The following ZNF33B variants were observed in gnomAD, a reference collection of about 807,000 sequenced individuals.
The protein encoded by ZNF33B is zinc finger protein 11b (KOX 2).
In ZNF33B, 29 loss-of-function variants were observed where a neutral mutation model predicts 45.8. The observed-to-expected ratio is 0.63, with a 90% CI of 0.47 to 0.86. The LOEUF is 0.86. Ranked by LOEUF, ZNF33B falls within the 40% of genes least tolerant of loss-of-function variation. The probability of loss-of-function intolerance (pLI) is 0.00; values close to 1 mark genes in which losing one functional copy is unlikely to be tolerated. For synonymous variants in ZNF33B, 305 were observed against 307.8 expected (o/e 0.99, Z 0.10); for missense variants, 831 against 909.9 (o/e 0.91, Z 1.12).
intron 4 of ZNF33B, among the ~76,000 whole-genome samples, chr10:42,627,526 C>T (rs1314994973): frequency 3.3e-5 from 5 of 152,098 alleles, no homozygotes; most frequent in African/African-American, 1.2e-4. Flanking sequence ...TTCAATTTTA[C>T]TGATTTCTGC....
At chr10:42,629,484 T>G (rs1301215813) in intron 4 of ZNF33B, among the ~76,000 whole-genome samples, 1 of 152,190 alleles carries the variant, frequency 6.6e-6, no homozygotes, top group Non-Finnish European at 1.5e-5. Context: ...GATAAATACT[T>G]GAGGGAATAG....
rs537866948 is a variant in ZNF33B at position 42,636,150 on chromosome 10, T to G, written c.9+770A>C. Among the ~76,000 whole-genome samples the G allele has an allele frequency of 1.1e-4, 17 of 152,044 alleles. No individual in the cohort carries two copies. The East Asian group carries it at 2.1e-3, about 19-fold the overall frequency. ...CTCAAAAAAATAAAAAAATAAAAAATTTAAAATTAAAATACATTTTAACTT... is the reference window on the plus strand; with the variant it reads ...CTCAAAAAAATAAAAAAATAAAAAAGTTAAAATTAAAATACATTTTAACTT... On this transcript the variant is annotated intron_variant, in intron 2 of 4. Transcript: ENST00000359467.
intron 4 of ZNF33B, among the ~76,000 whole-genome samples, chr10:42,630,030 T>C (rs973577462): frequency 1.3e-5 from 2 of 152,198 alleles, no homozygotes; most frequent in Admixed American, 1.3e-4. Flanking sequence ...TCAAAAATGA[T>C]TCTAGAAACT....
In ZNF33B at chr10:42,590,952, CTCT is replaced by C; in HGVS notation, c.*1658_*1660del. ...TCCAGGTTACTTTGGATTTAATTTG[CTCT>C]TCTTTTTCTAGTTTTCCAAAGTGGA... is the stretch of plus-strand genomic sequence containing the variant. On this transcript the variant is annotated 3_prime_UTR_variant, in exon 5 of 5. Coordinates refer to ENST00000359467, the MANE Select transcript of ZNF33B (RefSeq NM_006955.3). 1 of 159,030 alleles carries C rather than the reference CTCT, an allele frequency of 6.3e-6. No individual in the cohort carries two copies. The highest frequency in any genetic ancestry group is 2.0e-4 in the South Asian group (1 of 4,924). 9.9% of individuals were successfully genotyped at this position (159,030 alleles called of 1,614,324 possible). A position where few individuals can be genotyped will look rare whatever the true frequency, so the allele number is the denominator to read the frequency against.
intron 1 of ZNF33B, 87 bp from the exon 2 acceptor site, chr10:42,637,059 A>G: frequency 7.8e-7 from 1 of 1,283,304 alleles, no homozygotes; most frequent in Non-Finnish European, 1.1e-6. Context: ...AGCCATACAC[A>G]CCCACTAGGT....
chr10:42,634,323 C>T (rs1272553811), intron 2 of ZNF33B, among the ~76,000 whole-genome samples: 3 of 152,008 alleles, frequency 2.0e-5, no homozygotes, highest in African/African-American at 7.2e-5. Context: ...AGGAGAATCA[C>T]TCGAACCCAG....
chr10:42,595,585 AAGG>A (rs1238383037), intron 4 of ZNF33B, among the ~76,000 whole-genome samples: 1 of 152,134 alleles, frequency 6.6e-6, no homozygotes, highest in Non-Finnish European at 1.5e-5. Flanking sequence ...TGGGGACTTT[AAGG>A]AGATTAACTA....
At position 42,577,058 on chromosome 10, in the gene ZNF33B, G is replaced by A. The variant is rs183518940; in HGVS notation, c.74-2380C>T. Reference sequence around the variant, plus strand: ...TGAGACAGGAGAATTGCTTGAACCCGGGAGGTGGTGGTTGCAGTGAGCTGA... The same window carrying A: ...TGAGACAGGAGAATTGCTTGAACCCAGGAGGTGGTGGTTGCAGTGAGCTGA... On this transcript the variant is annotated intron_variant, in intron 1 of 1. Coordinates refer to the ZNF33B transcript ENST00000462075. Among the ~76,000 whole-genome samples the A allele has an allele frequency of 1.6e-3, 238 of 151,028 alleles. 3 individuals are homozygous for A. In the East Asian group the frequency reaches 0.034, roughly 21 times the overall value.
chr10:42,581,215 GTGGTTCATGT>G (rs1564487802), intron 1 of ZNF33B, among the ~76,000 whole-genome samples: 3 of 152,142 alleles, frequency 2.0e-5, no homozygotes, highest in South Asian at 4.2e-4. Context: ...GCTGGGGGCA[GTGGTTCATGT>G]TGGTAATCCC....
intron 4 of ZNF33B, among the ~76,000 whole-genome samples, chr10:42,626,398 G>T (rs1838807489): frequency 6.6e-6 from 1 of 152,048 alleles, no homozygotes; most frequent in Non-Finnish European, 1.5e-5. Flanking sequence ...GTTAAGAAAT[G>T]TTCCCTCTTG....
intron 4 of ZNF33B, chr10:42,605,342 A>G (rs778724898): frequency 7.2e-5 from 11 of 152,090 alleles, no homozygotes; most frequent in Non-Finnish European, 1.5e-4. Flanking sequence ...ATCAAGAGAA[A>G]TACAACTCCT....
chr10:42,613,158 T>C (rs920215886), intron 4 of ZNF33B, among the ~76,000 whole-genome samples: 1 of 152,242 alleles, frequency 6.6e-6, no homozygotes, highest in African/African-American at 2.4e-5. Flanking sequence ...ATAAGTACTA[T>C]ATTTTAGTTG....
At chr10:42,588,033 A>G (rs117753591), downstream of ZNF33B, among the ~76,000 whole-genome samples, 1 of 152,222 alleles carries the variant, frequency 6.6e-6, no homozygotes, top group East Asian at 1.9e-4. Context: ...TGCACAACCC[A>G]GGGGTGTGCA....
At chr10:42,584,945 C>T (rs1202558438), downstream of ZNF33B, among the ~76,000 whole-genome samples, 2 of 152,162 alleles carry the variant, frequency 1.3e-5, no homozygotes, top group East Asian at 1.9e-4. Flanking sequence ...AGGCTCTGCT[C>T]GATGCCCTGC....
intron 4 of ZNF33B, among the ~76,000 whole-genome samples, chr10:42,620,217 GAAA>G (rs35650961): frequency 4.0e-5 from 4 of 100,634 alleles, no homozygotes; most frequent in Non-Finnish European, 4.3e-5. Flanking sequence ...CTTTGGTCTT[GAAA>G]AAAAAAAAAA....
At chr10:42,574,886 C>G (rs1453911164) in intron 1 of ZNF33B, among the ~76,000 whole-genome samples, 1 of 152,120 alleles carries the variant, frequency 6.6e-6, no homozygotes, top group Non-Finnish European at 1.5e-5. Context: ...TTTAGATTAG[C>G]AGTGGCACAG....
At chr10:42,597,844 A>C (rs1236958810) in intron 4 of ZNF33B, among the ~76,000 whole-genome samples, 2 of 152,210 alleles carry the variant, frequency 1.3e-5, no homozygotes, top group Admixed American at 1.3e-4. Flanking sequence ...TCAATTTTAC[A>C]TATAAATTTA....
chr10:42,613,178 T>C (rs1306144618), intron 4 of ZNF33B, among the ~76,000 whole-genome samples: 1 of 152,210 alleles, frequency 6.6e-6, no homozygotes, highest in African/African-American at 2.4e-5. Context: ...GATAAAATTA[T>C]AAAATTATTT....
rs756986692 is a variant in ZNF33B at position 42,593,653 on chromosome 10, T to G, written c.1297A>C (p.Arg433=). Reference sequence around the variant, plus strand: ...TAGGGTTTCTGCCCTGTGTGTGTTCTCTGATGTTTAGTGAGGTCAGATTTC... The same window carrying G: ...TAGGGTTTCTGCCCTGTGTGTGTTCGCTGATGTTTAGTGAGGTCAGATTTC... The part of the protein sequence containing the change: ...YQKSDLTKHQ[R]THTGQKPYEC... Residue 433 remains arginine (R), a synonymous_variant, in exon 5 of 5, where the codon AGA becomes CGA. Coordinates refer to ENST00000359467, the MANE Select transcript of ZNF33B (RefSeq NM_006955.3). 2 of 1,614,092 alleles carry G rather than the reference T, an allele frequency of 1.2e-6. No homozygotes were observed. The highest frequency in any genetic ancestry group is 1.7e-6 in the Non-Finnish European group (2 of 1,179,984).
Sources: gnomAD v4.1 joint callset for allele counts (sites outside exome capture counted in the v4.1 genomes callset) on GRCh38, gnomAD v4.1.1 for gene constraint, MANE v1.5 for transcripts, NCBI Gene and HGNC (gene_info 2026-07-23, HGNC 2026-07-21) for gene names.